The following CALN1 variants were observed in gnomAD, a reference collection of about 807,000 sequenced individuals.
CALN1 encodes calcium-binding protein 8.
In CALN1, 17 loss-of-function variants were observed where a neutral mutation model predicts 30.6. That is an observed-to-expected ratio of 0.56 (90% CI 0.38 to 0.83). CALN1 has a LOEUF of 0.83. CALN1 is among the 40% of genes least tolerant of loss of function. CALN1 has a pLI of 0.00. For missense variants in CALN1, 291 were observed against 354.9 expected, an observed-to-expected ratio of 0.82 and a Z score of 1.45; for synonymous variants, 156 against 131.4, an observed-to-expected ratio of 1.19 and a Z score of -1.28.
intron 5 of CALN1, among the ~76,000 whole-genome samples, chr7:71,819,073 G>A (rs1030306016): frequency 9.2e-5 from 14 of 151,714 alleles, no homozygotes; most frequent in Non-Finnish European, 1.9e-4. Flanking sequence ...CAGGCTGGTC[G>A]CAAACTCCCA....
chr7:72,458,242 A>T, the CALN1 span, among the ~76,000 whole-genome samples: 157 of 87,826 alleles, frequency 1.8e-3, 12 homozygotes, highest in Non-Finnish European at 2.8e-3. Context: ...ATTCTATATT[A>T]TATAATATAT....
At chr7:72,420,827 G>C (rs999046283) in intron 1 of CALN1, among the ~76,000 whole-genome samples, 18 of 152,090 alleles carry the variant, frequency 1.2e-4, no homozygotes, top group African/African-American at 4.1e-4. Flanking sequence ...CACTATGTTA[G>C]CCAGGATGGT....
rs530601303 is a variant in CALN1, at chr7:72,358,364, C to T, written c.119+44887G>A. On this transcript the variant is annotated intron_variant, in intron 2 of 6. Coordinates refer to ENST00000395275, the MANE Select transcript of CALN1 (RefSeq NM_031468.4). ...AACACTCTGGATCTCTATATTTCCT[C>T]GCTCACTTCTCTGATTAGTAAATGG... Among the ~76,000 whole-genome samples the T allele has an allele frequency of 5.9e-5, 9 of 152,088 alleles. No homozygotes were observed. In the East Asian group the frequency reaches 9.7e-4, roughly 16 times the overall value.
intron 5 of CALN1, among the ~76,000 whole-genome samples, chr7:71,830,046 T>G (rs572347520): frequency 1.2e-3 from 188 of 151,848 alleles, no homozygotes; most frequent in African/African-American, 3.9e-3. Flanking sequence ...TTTTTTTTTT[T>G]TTGTTCTTTT....
At chr7:72,192,645 T>C in intron 3 of CALN1, among the ~76,000 whole-genome samples, 1 of 81,560 alleles carries the variant, frequency 1.2e-5, no homozygotes, top group Middle Eastern at 5.3e-3. Context: ...TTATTATTAT[T>C]ATTATTATTA....
intron 5 of CALN1, among the ~76,000 whole-genome samples, chr7:71,869,287 T>C (rs1791783220): frequency 6.6e-6 from 1 of 152,146 alleles, no homozygotes; most frequent in African/African-American, 2.4e-5. Flanking sequence ...ATTGGCTCAC[T>C]GCAACCTCTG....
At chr7:72,352,117 G>A (rs759386577) in intron 2 of CALN1, among the ~76,000 whole-genome samples, 8 of 152,068 alleles carry the variant, frequency 5.3e-5, no homozygotes, top group Admixed American at 1.3e-4. Flanking sequence ...CAGTGAGCTG[G>A]GATTGCACCA....
intron 6 of CALN1, among the ~76,000 whole-genome samples, chr7:71,794,471 C>T (rs1363804187): frequency 4.6e-5 from 7 of 152,068 alleles, no homozygotes. Context: ...ACTGTGAGTC[C>T]AAGATCTGAC....
rs931338672 is a variant in CALN1, at chr7:71,787,433, C to T, written c.*342G>A. 4 of 254,626 alleles carry T rather than the reference C, an allele frequency of 1.6e-5. No homozygotes were observed. Among genetic ancestry groups the T allele is most frequent in the African/African-American group, 8.7e-5 (4 of 45,942 alleles). The allele number at this position is 254,626 out of a possible 1,614,324, so 15.8% of individuals were successfully genotyped here. On this transcript the variant is annotated 3_prime_UTR_variant, in exon 7 of 7. Coordinates refer to ENST00000395275, the MANE Select transcript of CALN1 (RefSeq NM_031468.4). ...TCATGCCTCTCTCTTGCTCTCTCAC[C>T]ATTATACCTGGATGGCTGCTGGAAT... is the stretch of plus-strand genomic sequence containing the variant.
At chr7:72,099,275 T>TA (rs1321229408) in intron 4 of CALN1, among the ~76,000 whole-genome samples, 1 of 9,742 alleles carries the variant, frequency 1.0e-4, no homozygotes, top group Non-Finnish European at 1.9e-4. Flanking sequence ...AAACACTCCT[T>TA]TTTTTTTTTT....
chr7:72,154,398 C>A (rs113043702), intron 3 of CALN1, among the ~76,000 whole-genome samples: 1 of 152,064 alleles, frequency 6.6e-6, no homozygotes, highest in Non-Finnish European at 1.5e-5. Context: ...GAAAGACTGG[C>A]CAAAGATGCT....
At chr7:71,950,781 C>A (rs1796650234) in intron 5 of CALN1, among the ~76,000 whole-genome samples, 2 of 152,250 alleles carry the variant, frequency 1.3e-5, no homozygotes, top group Non-Finnish European at 2.9e-5. Flanking sequence ...CAGTCTCCCT[C>A]AGTCTGCTCC....
Position 71,842,004 on chromosome 7 carries a change from GA to G in CALN1, c.502-31513del, listed in dbSNP as rs796613388. Among the ~76,000 whole-genome samples, 841 of 133,740 alleles carry G rather than the reference GA, an allele frequency of 6.3e-3. 1 individual carries two copies. Among genetic ancestry groups the G allele is most frequent in the African/African-American group, 0.017 (614 of 36,492 alleles). 87.7% of individuals were successfully genotyped at this position (133,740 alleles called of 152,430 possible). A position where few individuals can be genotyped will look rare whatever the true frequency, so the allele number is the denominator to read the frequency against. On this transcript the variant is annotated intron_variant, in intron 5 of 6. Transcript: ENST00000395275. ...ACATGTACCTCCTGAATCTAAAAAA[GA>G]AAAAAAAAAAAGACAAAAAACAAAT...
chr7:72,045,493 G>A (rs1802409130), intron 4 of CALN1, among the ~76,000 whole-genome samples: 1 of 152,160 alleles, frequency 6.6e-6, no homozygotes, highest in African/African-American at 2.4e-5. Context: ...ATGAGTGAGA[G>A]CCACAGGCAG....
chr7:72,235,680 G>A (rs558334722), intron 3 of CALN1, among the ~76,000 whole-genome samples: 20 of 79,290 alleles, frequency 2.5e-4, no homozygotes, highest in East Asian at 1.4e-3. Context: ...CCCCACCCCC[G>A]CCCCCCTAAC....
At chr7:71,902,904 T>C (rs1260971442) in intron 5 of CALN1, among the ~76,000 whole-genome samples, 1 of 151,962 alleles carries the variant, frequency 6.6e-6, no homozygotes, top group East Asian at 1.9e-4. Context: ...CATGTTCTAA[T>C]TTATAAGAGC....
At chr7:72,477,987 C>T in the CALN1 span, among the ~76,000 whole-genome samples, 1 of 152,158 alleles carries the variant, frequency 6.6e-6, no homozygotes, top group East Asian at 1.9e-4. Context: ...GACTAAGCTG[C>T]ATTAAGACAG....
At chr7:72,424,772 T>C (rs1301029145) in intron 1 of CALN1, among the ~76,000 whole-genome samples, 4 of 152,076 alleles carry the variant, frequency 2.6e-5, no homozygotes, top group African/African-American at 9.7e-5. Context: ...AATTTTTTTA[T>C]TTTTTGTAGG....
chr7:72,435,483 G>GGCCTGC (rs1808125355), intron 1 of CALN1, among the ~76,000 whole-genome samples: 1 of 152,156 alleles, frequency 6.6e-6, no homozygotes, highest in Non-Finnish European at 1.5e-5. Context: ...CGCCTCCCTC[G>GGCCTGC]GCCTGCGGGG....
Sources: gnomAD v4.1 joint callset for allele counts (sites outside exome capture counted in the v4.1 genomes callset) on GRCh38, gnomAD v4.1.1 for gene constraint, MANE v1.5 for transcripts, NCBI Gene and HGNC (gene_info 2026-07-23, HGNC 2026-07-21) for gene names.